Variants in NRXN1 observed in about 807,000 individuals in gnomAD.
The protein encoded by NRXN1 is neurexin-1.
NRXN1 carries 39 observed loss-of-function variants against 150.9 expected under a neutral mutation model. The observed-to-expected ratio is 0.26, with a 90% CI of 0.20 to 0.34. The LOEUF is 0.34. NRXN1 is among the 10% of genes least tolerant of loss of function. The probability of loss-of-function intolerance (pLI) is 1.00; values close to 1 mark genes in which losing one functional copy is unlikely to be tolerated. For missense variants in NRXN1, 1,815 were observed against 1,949.9 expected, an observed-to-expected ratio of 0.93 and a Z score of 1.30; for synonymous variants, 924 against 757.0, an observed-to-expected ratio of 1.22 and a Z score of -3.62.
intron 2 of NRXN1, among the ~76,000 whole-genome samples, chr2:50,975,643 C>A (rs1695702950): frequency 6.6e-6 from 1 of 152,068 alleles, no homozygotes; most frequent in Admixed American, 6.6e-5. Context: ...TAAGTCCTAT[C>A]TAACTATGTG....
At chr2:50,446,908 T>C (rs1009900396) in intron 17 of NRXN1, among the ~76,000 whole-genome samples, 2 of 152,158 alleles carry the variant, frequency 1.3e-5, no homozygotes, top group African/African-American at 4.8e-5. Context: ...TTGTGCCTTG[T>C]CTGATTTGAG....
At chr2:50,781,066 T>C (rs182863399) in intron 5 of NRXN1, among the ~76,000 whole-genome samples, 2 of 152,172 alleles carry the variant, frequency 1.3e-5, no homozygotes. Context: ...TGAAGTTCAT[T>C]ACTTGTAGCA....
intron 17 of NRXN1, among the ~76,000 whole-genome samples, chr2:50,343,964 C>T (rs1187844743): frequency 6.6e-6 from 1 of 152,202 alleles, no homozygotes; most frequent in Non-Finnish European, 1.5e-5. Flanking sequence ...AACTAAACCT[C>T]ATTTTCACTT....
chr2:50,546,607 C>G (rs193029094), intron 9 of NRXN1, among the ~76,000 whole-genome samples: 1 of 152,042 alleles, frequency 6.6e-6, no homozygotes, highest in Non-Finnish European at 1.5e-5. Context: ...GGAAAATGTA[C>G]AAATATAAAA....
chr2:50,019,607 A>G (rs1370564642), intron 21 of NRXN1, among the ~76,000 whole-genome samples: 4 of 108,532 alleles, frequency 3.7e-5, no homozygotes, highest in African/African-American at 1.5e-4. Context: ...CTGCCATTGC[A>G]CTCCAGCCTG....
intron 17 of NRXN1, among the ~76,000 whole-genome samples, chr2:50,365,820 C>T (rs2079541983): frequency 6.6e-6 from 1 of 152,040 alleles, no homozygotes; most frequent in African/African-American, 2.4e-5. Context: ...GCAGACATTT[C>T]TTGCTTTACA....
At chr2:50,983,163 T>G (rs934185443) in intron 2 of NRXN1, among the ~76,000 whole-genome samples, 4 of 152,074 alleles carry the variant, frequency 2.6e-5, no homozygotes, top group Non-Finnish European at 5.9e-5. Flanking sequence ...GTATAAATAT[T>G]TTGGCTTCCA....
At chr2:50,031,876 G>C (rs1205624104) in intron 21 of NRXN1, among the ~76,000 whole-genome samples, 1 of 152,034 alleles carries the variant, frequency 6.6e-6, no homozygotes, top group African/African-American at 2.4e-5. Context: ...TCTTATTAGA[G>C]AGCATGTCTC....
chr2:50,767,563 G>A (rs529380836), intron 5 of NRXN1, among the ~76,000 whole-genome samples: 25 of 152,152 alleles, frequency 1.6e-4, no homozygotes, highest in African/African-American at 6.0e-4. Flanking sequence ...AGGGACTGAG[G>A]ATGCAAATAT....
chr2:50,037,803 T>C (rs1017462537), intron 21 of NRXN1, among the ~76,000 whole-genome samples: 1 of 152,136 alleles, frequency 6.6e-6, no homozygotes, highest in African/African-American at 2.4e-5. Context: ...CCATAAATAC[T>C]CAACCAAGTA....
chr2:50,615,937 T>C (rs1388726921), intron 8 of NRXN1: 4 of 152,316 alleles, frequency 2.6e-5, no homozygotes, highest in African/African-American at 4.8e-5. Context: ...ATGCAAATAA[T>C]ATAAACAAGT....
intron 5 of NRXN1, among the ~76,000 whole-genome samples, chr2:50,694,280 G>A (rs532208902): frequency 1.1e-4 from 17 of 152,162 alleles, no homozygotes; most frequent in Non-Finnish European, 2.2e-4. Context: ...GGAAAAGGTA[G>A]GTTCTAGCAC....
At chr2:50,741,480 G>A (rs529411949) in intron 5 of NRXN1, among the ~76,000 whole-genome samples, 1 of 152,194 alleles carries the variant, frequency 6.6e-6, no homozygotes, top group East Asian at 1.9e-4. Context: ...GGATCACTGT[G>A]CCCTGCAGAA....
intron 5 of NRXN1, among the ~76,000 whole-genome samples, chr2:50,852,484 G>A (rs1355830548): frequency 6.6e-6 from 1 of 152,098 alleles, no homozygotes; most frequent in Non-Finnish European, 1.5e-5. Flanking sequence ...CCCCAATGGA[G>A]GGTCATATTT....
intron 18 of NRXN1, among the ~76,000 whole-genome samples, chr2:50,218,043 C>T (rs751016693): frequency 6.6e-6 from 1 of 152,062 alleles, no homozygotes; most frequent in Non-Finnish European, 1.5e-5. Context: ...ACCTGAACTA[C>T]CTCCTCTGCA....
Position 49,933,706 on chromosome 2 carries a change from A to G in NRXN1, c.4216+9998T>C, listed in dbSNP as rs543862172. Reference sequence around the variant, plus strand: ...CAGATCAGGTAGGGCATTCAGTATGAAAGTATCTGAGGAGGATGAGGACTT... The same window carrying G: ...CAGATCAGGTAGGGCATTCAGTATGGAAGTATCTGAGGAGGATGAGGACTT... On this transcript the variant is annotated intron_variant, in intron 22 of 22. Coordinates refer to ENST00000401669, the MANE Select transcript of NRXN1 (RefSeq NM_001330078.2). 5.3e-5 allele frequency among the ~76,000 whole-genome samples: 8 copies of G among 152,318 alleles called. No individual in the cohort carries two copies. In the East Asian group the frequency reaches 1.4e-3, roughly 26 times the overall value.
At chr2:50,671,049 A>C (rs1056612232) in intron 5 of NRXN1, among the ~76,000 whole-genome samples, 1 of 151,900 alleles carries the variant, frequency 6.6e-6, no homozygotes, top group African/African-American at 2.4e-5. Flanking sequence ...TAATTTTAGC[A>C]TGTATCTGTG....
intron 2 of NRXN1, among the ~76,000 whole-genome samples, chr2:50,963,158 G>C (rs1240364480): frequency 6.6e-6 from 1 of 151,534 alleles, no homozygotes; most frequent in Non-Finnish European, 1.5e-5. Context: ...ATCTGACTAG[G>C]AATTGCCTCA....
chr2:50,696,175 CGT>C (rs200473527), intron 5 of NRXN1: 40,635 of 146,196 alleles, frequency 0.28, 6,225 homozygotes, highest in East Asian at 0.56. Context: ...AGTACATATA[CGT>C]GTGTGTGTGT....
Sources: allele counts gnomAD v4.1 joint callset (sites outside exome capture counted in the v4.1 genomes callset), GRCh38; gene constraint gnomAD v4.1.1; transcripts MANE v1.5; gene names NCBI Gene and HGNC (gene_info 2026-07-23, HGNC 2026-07-21).